The following GADL1 variants were observed in gnomAD, a reference collection of about 807,000 sequenced individuals.
GADL1 encodes acidic amino acid decarboxylase GADL1.
Under a neutral mutation model 69.5 loss-of-function variants are expected in GADL1, and 71 were observed. The ratio of observed to expected loss-of-function variants is 1.02; its 90% CI spans 0.84 to 1.25. The LOEUF is 1.25. Among genes scored for constraint, GADL1 ranks in the 50% most tolerant of loss-of-function variants. The pLI is 0.00. For synonymous variants in GADL1, 254 were observed against 214.4 expected, an observed-to-expected ratio of 1.18 and a Z score of -1.62; for missense variants, 737 against 631.8, an observed-to-expected ratio of 1.17 and a Z score of -1.79.
At chr3:30,763,606 C>T (rs947714519) in intron 14 of GADL1, among the ~76,000 whole-genome samples, 1 of 152,138 alleles carries the variant, frequency 6.6e-6, no homozygotes, top group African/African-American at 2.4e-5. Flanking sequence ...TATGCTCAGA[C>T]TTAGATGATT....
Position 30,850,856 on chromosome 3 carries a change from C to T in GADL1, c.514G>A (p.Gly172Arg). The T allele has an allele frequency of 6.5e-7, 1 of 1,548,634 alleles. No individual in the cohort carries two copies. Among genetic ancestry groups the T allele is most frequent in the Non-Finnish European group, 8.7e-7 (1 of 1,144,394 alleles). The part of the protein sequence containing the change: ...KMIEFIGWKE[G>R]DGIFNPGGSV... ...TCACCTGGGTTAAATATTCCATCCC[C>T]TTCTTTCCAGCCAATAAATTCAATC... is the stretch of plus-strand genomic sequence containing the variant. The change falls in exon 5 of 15, where the codon GGG becomes AGG. Residue 172 changes from glycine (G) to arginine (R), a missense_variant. Physicochemically the swap from Gly to Arg is moderately radical, Grantham distance 125 (BLOSUM62 -2). Coordinates refer to ENST00000282538, the MANE Select transcript of GADL1 (RefSeq NM_207359.3).
intron 8 of GADL1, among the ~76,000 whole-genome samples, chr3:30,842,997 T>C (rs1697993466): frequency 6.6e-6 from 1 of 151,940 alleles, no homozygotes; most frequent in Non-Finnish European, 1.5e-5. Context: ...AACTATAATA[T>C]TCAAACTTAA....
chr3:30,801,021 ACAT>A lies in GADL1; in HGVS notation c.1115_1117del (p.Asp372del), dbSNP rs528751638. The A allele has an allele frequency of 2.7e-4, 432 of 1,614,020 alleles. No individual in the cohort carries two copies. In the African/African-American group the frequency reaches 4.3e-3, roughly 16 times the overall value. On this transcript the variant is annotated inframe_deletion, in exon 12 of 15. Transcript: ENST00000282538. Reference sequence around the variant, plus strand: ...AGACTTGTCTCCTGTGTCATAGCTCACATCATAGAATTTATCCTGCTGGAAGAG... The same window carrying A: ...AGACTTGTCTCCTGTGTCATAGCTCACATAGAATTTATCCTGCTGGAAGAG...
chr3:30,830,061 AAC>A (rs554001824), intron 11 of GADL1, among the ~76,000 whole-genome samples: 94 of 151,954 alleles, frequency 6.2e-4, no homozygotes, highest in Middle Eastern at 3.4e-3. Context: ...TATGGCTCAG[AAC>A]ACAGTTATCC....
Position 30,777,112 on chromosome 3 carries a change from A to T in GADL1, c.1392+1067T>A, listed in dbSNP as rs139969799. Among the ~76,000 whole-genome samples, 105 of 152,250 alleles carry T rather than the reference A, an allele frequency of 6.9e-4. 1 individual carries two copies. The East Asian group carries it at 0.02, about 29-fold the overall frequency. On this transcript the variant is annotated intron_variant, in intron 14 of 14. Transcript: ENST00000282538. Reference sequence around the variant, plus strand: ...AATATTGAGTTTCTCAAGGGCAGAGACACGTCCTTTTGATGTTTGTATTTC... The same window carrying T: ...AATATTGAGTTTCTCAAGGGCAGAGTCACGTCCTTTTGATGTTTGTATTTC...
chr3:30,752,982 C>T (rs1243141035), intron 14 of GADL1, among the ~76,000 whole-genome samples: 1 of 152,056 alleles, frequency 6.6e-6, no homozygotes, highest in Non-Finnish European at 1.5e-5. Context: ...TCATTGTCAG[C>T]AGTATTTAAA....
chr3:30,746,408 C>A (rs1293137730), intron 14 of GADL1, among the ~76,000 whole-genome samples: 1 of 152,136 alleles, frequency 6.6e-6, no homozygotes, highest in Non-Finnish European at 1.5e-5. Flanking sequence ...ACCAAATTTT[C>A]CCATGATTTT....
intron 14 of GADL1, among the ~76,000 whole-genome samples, chr3:30,755,792 T>C (rs963941994): frequency 9.3e-5 from 14 of 150,656 alleles, no homozygotes; most frequent in African/African-American, 3.5e-4. Context: ...TATGTTGTGA[T>C]TAGAAAAAGA....
Position 30,854,852 on chromosome 3 carries a change from A to T in GADL1, c.338-63T>A, listed in dbSNP as rs1446723491. ...TAAAAAAAAAAACTACTGATACAGC[A>T]TTAACATAAATGAATCTTTCAGAAA... On this transcript the variant is annotated intron_variant, in intron 3 of 14. Coordinates refer to ENST00000282538, the MANE Select transcript of GADL1 (RefSeq NM_207359.3). 9.0e-6 allele frequency: 7 copies of T among 775,518 alleles called. No individual in the cohort carries two copies. In the Admixed American group the frequency reaches 1.8e-4, roughly 20 times the overall value. 48.0% of individuals were successfully genotyped at this position (775,518 alleles called of 1,614,324 possible). A position where few individuals can be genotyped will look rare whatever the true frequency, so the allele number is the denominator to read the frequency against.
chr3:30,777,275 A>AG (rs1359796457), intron 14 of GADL1, among the ~76,000 whole-genome samples: 1 of 151,750 alleles, frequency 6.6e-6, no homozygotes, highest in Non-Finnish European at 1.5e-5. Context: ...TTTCCCCCTG[A>AG]GGGTAAGGAG....
At chr3:30,824,872 A>G (rs1335120805) in intron 11 of GADL1, among the ~76,000 whole-genome samples, 1 of 151,940 alleles carries the variant, frequency 6.6e-6, no homozygotes, top group Non-Finnish European at 1.5e-5. Context: ...ACCTGTTCAC[A>G]TTATAATAAA....
intron 13 of GADL1, chr3:30,778,616 C>T (rs1250187006): frequency 1.2e-5 from 2 of 173,522 alleles, no homozygotes; most frequent in East Asian, 3.0e-4. Context: ...CAACACTGAT[C>T]CTTAAGTTAT....
At chr3:30,849,152 G>A (rs1698105573) in intron 6 of GADL1, among the ~76,000 whole-genome samples, 1 of 152,106 alleles carries the variant, frequency 6.6e-6, no homozygotes. Flanking sequence ...GGAGCAGAGA[G>A]GCATCACTGG....
At chr3:30,774,626 T>C (rs531139060) in intron 14 of GADL1, among the ~76,000 whole-genome samples, 3 of 152,308 alleles carry the variant, frequency 2.0e-5, no homozygotes, top group African/African-American at 7.2e-5. Flanking sequence ...TGCTCAAGTA[T>C]TTATATAATA....
At chr3:30,759,153 G>A (rs1020966469) in intron 14 of GADL1, among the ~76,000 whole-genome samples, 1 of 152,152 alleles carries the variant, frequency 6.6e-6, no homozygotes, top group African/African-American at 2.4e-5. Context: ...AATTCGACAG[G>A]CCTCTGCAGA....
At chr3:30,766,433 C>T (rs304833) in intron 14 of GADL1, among the ~76,000 whole-genome samples, 66,947 of 151,964 alleles carry the variant, frequency 0.44, 14,746 homozygotes, top group African/African-American at 0.46. Flanking sequence ...GAAAAGGAAC[C>T]CCACATTTAC....
chr3:30,795,640 C>A (rs1697016147), intron 12 of GADL1, among the ~76,000 whole-genome samples: 1 of 152,104 alleles, frequency 6.6e-6, no homozygotes, highest in South Asian at 2.1e-4. Flanking sequence ...ACAAATGAAT[C>A]AGTAATTTGA....
At chr3:30,827,834 C>T (rs1368867310) in intron 11 of GADL1, among the ~76,000 whole-genome samples, 1 of 151,940 alleles carries the variant, frequency 6.6e-6, no homozygotes, top group African/African-American at 2.4e-5. Context: ...CAAGCAAGAA[C>T]AGCCCAGACA....
In GADL1 at chr3:30,819,394, T is replaced by C. The variant is rs563821426; in HGVS notation, c.1050+14459A>G. On this transcript the variant is annotated intron_variant, in intron 11 of 14. Coordinates refer to ENST00000282538, the MANE Select transcript of GADL1 (RefSeq NM_207359.3). ...CTCTTTATCTCTGGTTTCATTCTGATCATTGAGTACAATAAAAAGAACCAG... is the reference window on the plus strand; with the variant it reads ...CTCTTTATCTCTGGTTTCATTCTGACCATTGAGTACAATAAAAAGAACCAG... 3.3e-5 allele frequency among the ~76,000 whole-genome samples: 5 copies of C among 152,284 alleles called. No individual in the cohort carries two copies. In the South Asian group the frequency reaches 8.3e-4, roughly 25 times the overall value.
Sources: allele counts gnomAD v4.1 joint callset (sites outside exome capture counted in the v4.1 genomes callset), GRCh38; gene constraint gnomAD v4.1.1; transcripts MANE v1.5; gene names NCBI Gene and HGNC (gene_info 2026-07-23, HGNC 2026-07-21).